Variants in GRIA1 observed in about 807,000 individuals in gnomAD.
GRIA1 encodes the protein glutamate receptor 1.
In GRIA1, 31 loss-of-function variants were observed where a neutral mutation model predicts 99.2. The ratio of observed to expected loss-of-function variants is 0.31; its 90% confidence interval spans 0.23 to 0.42. The LOEUF (loss-of-function observed/expected upper bound fraction) is 0.42. Among genes scored for constraint, GRIA1 ranks in the 10% least tolerant of loss-of-function variants. The probability of loss-of-function intolerance (pLI) is 1.00; values close to 1 mark genes in which losing one functional copy is unlikely to be tolerated. For synonymous variants in GRIA1, 438 were observed against 432.4 expected (o/e 1.01, Z -0.16); for missense variants, 782 against 1,157.5 (o/e 0.68, Z 4.71).
At chr5:153,718,021 T>A (rs1344282151) in intron 11 of GRIA1, among the ~76,000 whole-genome samples, 1 of 152,222 alleles carries the variant, frequency 6.6e-6, no homozygotes, top group East Asian at 1.9e-4. Flanking sequence ...TTCTGGCTAT[T>A]GCAGACATGT....
At chr5:153,733,705 G>T (rs755212784) in intron 11 of GRIA1, among the ~76,000 whole-genome samples, 4 of 152,132 alleles carry the variant, frequency 2.6e-5, no homozygotes, top group African/African-American at 9.6e-5. Flanking sequence ...GAGAGCAGAG[G>T]TCACTGTATT....
At chr5:153,769,690 T>A (rs1189577479) in intron 12 of GRIA1, among the ~76,000 whole-genome samples, 3 of 151,524 alleles carry the variant, frequency 2.0e-5, no homozygotes, top group Admixed American at 6.6e-5. Context: ...GCAAAAAACC[T>A]CAATTACTTT....
intron 2 of GRIA1, among the ~76,000 whole-genome samples, chr5:153,523,774 T>C (rs922484777): frequency 6.6e-6 from 1 of 152,216 alleles, no homozygotes; most frequent in African/African-American, 2.4e-5. Flanking sequence ...ATCATAGCTG[T>C]GTCCCTAGTA....
chr5:153,620,663 A>G lies in GRIA1; in HGVS notation c.221-26265A>G, dbSNP rs532933323. On this transcript the variant is annotated intron_variant, in intron 2 of 15. Transcript: ENST00000285900. ...AATATTAGACTAAAAACACTCTATCAGACTAGGGTTTTAAAATACTATTTC... is the reference window on the plus strand; with the variant it reads ...AATATTAGACTAAAAACACTCTATCGGACTAGGGTTTTAAAATACTATTTC... Among the ~76,000 whole-genome samples the G allele has an allele frequency of 3.0e-4, 46 of 152,318 alleles. 1 individual carries two copies. In the South Asian group the frequency reaches 7.9e-3, roughly 26 times the overall value.
intron 2 of GRIA1, among the ~76,000 whole-genome samples, chr5:153,526,430 T>A (rs978705835): frequency 2.0e-5 from 3 of 152,236 alleles, no homozygotes; most frequent in African/African-American, 7.2e-5. Context: ...ACCTTTTCTA[T>A]TATGCAATGT....
chr5:153,501,496 T>G (rs1215255376), intron 2 of GRIA1, among the ~76,000 whole-genome samples: 1 of 151,688 alleles, frequency 6.6e-6, no homozygotes, highest in Non-Finnish European at 1.5e-5. Flanking sequence ...TGGCCAGGCC[T>G]TGTAGGCTCT....
chr5:153,755,233 A>G (rs772317241), intron 11 of GRIA1: 1 of 152,188 alleles, frequency 6.6e-6, no homozygotes, highest in Non-Finnish European at 1.5e-5. Flanking sequence ...TTAAGCAGAA[A>G]AGCAACATGG....
In GRIA1 at chr5:153,610,223, A is replaced by T. The variant is rs114069240; in HGVS notation, c.221-36705A>T. Among the ~76,000 whole-genome samples, 1,363 of 152,294 alleles carry T rather than the reference A, an allele frequency of 8.9e-3. 12 individuals are homozygous for T. Among genetic ancestry groups the T allele is most frequent in the Middle Eastern group, 0.014 (4 of 294 alleles). On this transcript the variant is annotated intron_variant, in intron 2 of 15. Transcript: ENST00000285900. Reference sequence around the variant, plus strand: ...AACAGATAGTGTGTATCTCCCAGGGAGTGTGAAGTCCACTTTCCAAAGCAA... The same window carrying T: ...AACAGATAGTGTGTATCTCCCAGGGTGTGTGAAGTCCACTTTCCAAAGCAA...
intron 9 of GRIA1, 129 bp from the exon 10 acceptor site, chr5:153,698,738 A>C: frequency 1.5e-6 from 1 of 661,768 alleles, no homozygotes; most frequent in South Asian, 1.7e-5. Context: ...GACATTTAGG[A>C]AGTGAATTGA....
rs1165949941 is a variant in GRIA1, at chr5:153,510,225, G to A, written c.220+16160G>A. Among the ~76,000 whole-genome samples, 3 of 152,172 alleles carry A rather than the reference G, an allele frequency of 2.0e-5. No individual in the cohort carries two copies. In the East Asian group the frequency reaches 5.8e-4, roughly 29 times the overall value. Reference sequence around the variant, plus strand: ...ATATATAGCTAGTTGCTGCTGGAGTGAAATATAGGGCAATGTTGACTAAAG... The same window carrying A: ...ATATATAGCTAGTTGCTGCTGGAGTAAAATATAGGGCAATGTTGACTAAAG... On this transcript the variant is annotated intron_variant, in intron 2 of 15. Coordinates refer to ENST00000285900, the MANE Select transcript of GRIA1 (RefSeq NM_000827.4).
chr5:153,670,673 G>GT (rs970826000), intron 5 of GRIA1, among the ~76,000 whole-genome samples: 4 of 151,428 alleles, frequency 2.6e-5, no homozygotes, highest in South Asian at 2.1e-4. Flanking sequence ...ACCCTCTAAG[G>GT]TTTTTTTTAA....
At chr5:153,601,989 G>A (rs1342050651) in intron 2 of GRIA1, among the ~76,000 whole-genome samples, 1 of 152,180 alleles carries the variant, frequency 6.6e-6, no homozygotes, top group Non-Finnish European at 1.5e-5. Context: ...CATTGTCTGT[G>A]TCATGTCAGC....
At chr5:153,702,421 G>C (rs765979773) in intron 10 of GRIA1, among the ~76,000 whole-genome samples, 27 of 152,236 alleles carry the variant, frequency 1.8e-4, no homozygotes, top group Admixed American at 2.6e-4. Flanking sequence ...CAAGGAACGT[G>C]AATTCTTTAC....
chr5:153,785,576 C>G (rs1000914706), intron 13 of GRIA1, among the ~76,000 whole-genome samples: 2 of 152,204 alleles, frequency 1.3e-5, no homozygotes, highest in South Asian at 4.2e-4. Context: ...CAATTACAAA[C>G]AAAGGTCTGT....
At chr5:153,644,699 T>G (rs555423165) in intron 2 of GRIA1, among the ~76,000 whole-genome samples, 45 of 151,962 alleles carry the variant, frequency 3.0e-4, no homozygotes, top group African/African-American at 1.0e-3. Context: ...GGGGTCACTA[T>G]TTAGAAGAGG....
At chr5:153,596,399 G>T (rs1419080644) in intron 2 of GRIA1, among the ~76,000 whole-genome samples, 1 of 152,096 alleles carries the variant, frequency 6.6e-6, no homozygotes, top group Non-Finnish European at 1.5e-5. Flanking sequence ...TTTATACATT[G>T]TGGCTTCCAG....
At chr5:153,732,097 TATACC>T (rs199583257) in intron 11 of GRIA1, among the ~76,000 whole-genome samples, 1,566 of 152,166 alleles carry the variant, frequency 0.01, 107 homozygotes, top group Admixed American at 0.094. Context: ...GCTGAATATA[TATACC>T]ACATTTTCTT....
At chr5:153,682,386 C>A (rs1581461422) in intron 7 of GRIA1, among the ~76,000 whole-genome samples, 1 of 152,218 alleles carries the variant, frequency 6.6e-6, no homozygotes, top group South Asian at 2.1e-4. Flanking sequence ...GACAAAGATT[C>A]TTTGCTTGAC....
At chr5:153,745,589 C>CAAAA (rs58166158) in intron 11 of GRIA1, among the ~76,000 whole-genome samples, 9 of 100,874 alleles carry the variant, frequency 8.9e-5, no homozygotes, top group African/African-American at 1.2e-4. Flanking sequence ...AACTCTGTCT[C>CAAAA]AAAAAAAAAA....
Sources: gnomAD v4.1 joint callset for allele counts (sites outside exome capture counted in the v4.1 genomes callset) on GRCh38, gnomAD v4.1.1 for gene constraint, MANE v1.5 for transcripts, NCBI Gene and HGNC (gene_info 2026-07-23, HGNC 2026-07-21) for gene names.